SRGAP3: variants seen among roughly 807,000 people sequenced by gnomAD.
The protein encoded by SRGAP3 is SLIT-ROBO Rho GTPase activating protein 3, also known as SLIT-ROBO Rho GTPase-activating protein 3.
SRGAP3 carries 39 observed loss-of-function variants against 121.1 expected under a neutral mutation model. The observed-to-expected ratio is 0.32, with a 90% confidence interval of 0.25 to 0.42. The LOEUF (loss-of-function observed/expected upper bound fraction) is 0.42. SRGAP3 is among the 10% of genes least tolerant of loss of function. The pLI, the probability that SRGAP3 is intolerant of heterozygous loss-of-function variation, is 1.00. For missense variants in SRGAP3, 1,213 were observed against 1,470.6 expected (o/e 0.82, Z 2.86); for synonymous variants, 601 against 570.0 (o/e 1.05, Z -0.77).
chr3:9,268,676 C>T (rs992670596), intron 3 of SRGAP3, among the ~76,000 whole-genome samples: 2 of 152,046 alleles, frequency 1.3e-5, no homozygotes, highest in African/African-American at 4.8e-5. Flanking sequence ...CACAAAAACT[C>T]TGAGATAACA....
intron 3 of SRGAP3, among the ~76,000 whole-genome samples, chr3:9,294,741 T>TGTGTGTGTGTGTGTGTG (rs1491131145): frequency 2.5e-4 from 36 of 145,962 alleles, no homozygotes; most frequent in South Asian, 4.3e-4. Flanking sequence ...TGTGTGTGTG[T>TGTGTGTGTGTGTGTGTG]TTGGGAGGGC....
chr3:9,070,379 G>A (rs1946643847), intron 4 of SRGAP3, among the ~76,000 whole-genome samples: 2 of 152,254 alleles, frequency 1.3e-5, no homozygotes, highest in African/African-American at 4.8e-5. Context: ...CCCTAGGCCA[G>A]TGCATGACTG....
At chr3:9,173,797 T>C (rs1575185138) in intron 1 of SRGAP3, among the ~76,000 whole-genome samples, 1 of 152,130 alleles carries the variant, frequency 6.6e-6, no homozygotes, top group Non-Finnish European at 1.5e-5. Flanking sequence ...AACACTGCTC[T>C]TTCCCATCAC....
chr3:9,204,076 T>C lies in SRGAP3; in HGVS notation c.67+44809A>G, dbSNP rs537003586. On this transcript the variant is annotated intron_variant, in intron 1 of 21. Coordinates refer to ENST00000383836, the MANE Select transcript of SRGAP3 (RefSeq NM_014850.4). ...TCTCCACCACCACCACCCCTAGCCCTGTGGCTTCCATTATTCAGGGACCAA... is the reference window on the plus strand; with the variant it reads ...TCTCCACCACCACCACCCCTAGCCCCGTGGCTTCCATTATTCAGGGACCAA... Among the ~76,000 whole-genome samples, 6 of 152,324 alleles carry C rather than the reference T, an allele frequency of 3.9e-5. No homozygotes were observed. The East Asian group carries it at 1.2e-3, about 29-fold the overall frequency.
intron 1 of SRGAP3, among the ~76,000 whole-genome samples, chr3:9,220,330 A>G (rs943411702): frequency 8.9e-5 from 12 of 135,164 alleles, no homozygotes; most frequent in East Asian, 7.3e-4. Context: ...CATCAATTAA[A>G]GCAATTTTTT....
chr3:8,985,207 A>C lies in SRGAP3; in HGVS notation c.*312T>G. 3 of 467,202 alleles carry C rather than the reference A, an allele frequency of 6.4e-6. No homozygotes were observed. The highest frequency in any genetic ancestry group is 7.7e-5 in the East Asian group (2 of 26,094). The allele number at this position is 467,202 out of a possible 1,614,324, so 28.9% of individuals were successfully genotyped here. The stretch of plus-strand genomic sequence containing the variant: ...ATGTAGAGAGAATGTCGAGAGAGGA[A>C]GTTTCCAGTGACGATATGCGGGAGA... On this transcript the variant is annotated 3_prime_UTR_variant, in exon 22 of 22. Coordinates refer to ENST00000383836, the MANE Select transcript of SRGAP3 (RefSeq NM_014850.4). This position sits in a 1 kb window ranked among gnomAD's most constrained non-coding sequence, Gnocchi z 5.1.
intron 1 of SRGAP3, among the ~76,000 whole-genome samples, chr3:9,160,076 G>A (rs559708400): frequency 6.6e-6 from 1 of 152,308 alleles, no homozygotes; most frequent in Admixed American, 6.5e-5. Flanking sequence ...TCAAATCCCA[G>A]TGTTACCACT....
At chr3:9,099,086 G>GC (rs1395166811) in intron 3 of SRGAP3, among the ~76,000 whole-genome samples, 2 of 152,110 alleles carry the variant, frequency 1.3e-5, no homozygotes, top group Non-Finnish European at 2.9e-5. Flanking sequence ...TGAATCCAAG[G>GC]CCAGTGGGTG....
chr3:9,259,855 G>T (rs1954216097), intron 3 of SRGAP3, among the ~76,000 whole-genome samples: 1 of 138,820 alleles, frequency 7.2e-6, no homozygotes. Context: ...GCCAGGGGTG[G>T]GGCTGGCAAG....
chr3:9,325,861 T>A (rs1955509135), intron 3 of SRGAP3: 1 of 152,024 alleles, frequency 6.6e-6, no homozygotes, highest in Non-Finnish European at 1.5e-5. Flanking sequence ...TTTTCATTTC[T>A]ATTGTTCATA....
chr3:9,348,504 G>T (rs1421787637), intron 1 of SRGAP3: 3 of 740,606 alleles, frequency 4.1e-6, no homozygotes, highest in Non-Finnish European at 7.5e-6. Context: ...CCGGAGAACC[G>T]CTTCAGCAGC....
chr3:9,242,507 T>C (rs1437458629), intron 1 of SRGAP3, among the ~76,000 whole-genome samples: 2 of 151,442 alleles, frequency 1.3e-5, no homozygotes, highest in South Asian at 2.1e-4. Context: ...TGGTGGCGAG[T>C]GCCTGTAGTC....
rs754001719 is a variant in SRGAP3, at chr3:9,058,334, C to T, written c.940G>A (p.Asp314Asn). 3 of 1,614,250 alleles carry T rather than the reference C, an allele frequency of 1.9e-6. No homozygotes were observed. The highest frequency in any genetic ancestry group is 1.7e-5 in the Admixed American group (1 of 60,026). ...NAVDNLDSRSDKHTVMDMCNQ... is the reference protein window; with the variant it reads ...NAVDNLDSRSNKHTVMDMCNQ... The stretch of plus-strand genomic sequence containing the variant: ...CACATGTCCATGACTGTGTGCTTGT[C>T]ACTTCGGGAATCCAGGTTGTCCACT... The change falls in exon 7 of 22, where the codon GAC (aspartate) becomes AAC (asparagine). Residue 314 changes from aspartate (D) to asparagine (N), a missense_variant. Around this residue, in one of 2 missense-constraint regions of SRGAP3, gnomAD observed 793 missense variants for 1,032.9 expected, o/e 0.77. Transcript: ENST00000383836.
At chr3:9,058,183 G>T in intron 7 of SRGAP3, 68 bp downstream of exon 7, 1 of 1,512,726 alleles carries the variant, frequency 6.6e-7, no homozygotes, top group South Asian at 1.1e-5. Context: ...AACCAGGGAT[G>T]ATGTACTGGA....
chr3:9,254,935 AAAAGAAAG>A (rs144292991), intron 3 of SRGAP3, among the ~76,000 whole-genome samples: 9 of 150,320 alleles, frequency 6.0e-5, no homozygotes, highest in Non-Finnish European at 1.0e-4. Flanking sequence ...GAGAGAAAGA[AAAAGAAAG>A]AAAGAAAGAA....
chr3:8,992,660 TAA>T, intron 20 of SRGAP3: 1 of 596,334 alleles, frequency 1.7e-6, no homozygotes, highest in Non-Finnish European at 3.0e-6. Flanking sequence ...TTATTTTAAA[TAA>T]AAAAGCACTG....
chr3:9,162,963 T>C (rs1158774729), intron 1 of SRGAP3, among the ~76,000 whole-genome samples: 1 of 152,224 alleles, frequency 6.6e-6, no homozygotes, highest in African/African-American at 2.4e-5. Context: ...ACTTATCAGC[T>C]CTGTGATTTT....
chr3:9,043,746 G>A (rs186325583), intron 10 of SRGAP3, among the ~76,000 whole-genome samples: 1 of 152,252 alleles, frequency 6.6e-6, no homozygotes, highest in East Asian at 1.9e-4. Flanking sequence ...AAAGTCAGAT[G>A]GCCTGGTCCT....
intron 3 of SRGAP3, among the ~76,000 whole-genome samples, chr3:9,309,833 G>C (rs1199923302): frequency 6.6e-6 from 1 of 152,100 alleles, no homozygotes; most frequent in Non-Finnish European, 1.5e-5. Flanking sequence ...CTCCAGCCTG[G>C]GTGACAGAGT....
Sources: allele counts gnomAD v4.1 joint callset (sites outside exome capture counted in the v4.1 genomes callset), GRCh38; gene constraint gnomAD v4.1.1; regional missense constraint gnomAD v4.1.1; non-coding constraint Gnocchi (gnomAD v3.1); transcripts MANE v1.5; gene names NCBI Gene and HGNC (gene_info 2026-07-23, HGNC 2026-07-21).